Variants in NRXN3 observed in about 807,000 individuals in gnomAD.
The protein encoded by NRXN3 is neurexin III.
A neutral mutation model predicts 137.6 loss-of-function variants in NRXN3; 32 were observed. The ratio of observed to expected loss-of-function variants is 0.23; its 90% CI spans 0.18 to 0.31. The LOEUF is 0.31. Ranked by LOEUF, NRXN3 falls within the 10% of genes least tolerant of loss-of-function variation. NRXN3 has a pLI of 1.00. For missense variants in NRXN3, 1,574 were observed against 2,062.5 expected, an observed-to-expected ratio of 0.76 and a Z score of 4.59; for synonymous variants, 798 against 784.5, an observed-to-expected ratio of 1.02 and a Z score of -0.29.
intron 4 of NRXN3, among the ~76,000 whole-genome samples, chr14:78,368,432 C>T (rs375782988): frequency 6.6e-5 from 10 of 152,234 alleles, no homozygotes; most frequent in Admixed American, 3.3e-4. Context: ...TGGAGATGGC[C>T]GGGCACAGCG....
chr14:78,546,958 ACTCTTATTATAGTTC>A (rs1461474873), intron 4 of NRXN3, among the ~76,000 whole-genome samples: 2 of 151,924 alleles, frequency 1.3e-5, no homozygotes, highest in African/African-American at 4.8e-5. Flanking sequence ...ACTGAAATCC[ACTCTTATTATAGTTC>A]CTCTTATTTG....
rs17108186 is a variant in NRXN3, at chr14:78,742,803, A to G, written c.2044+27664A>G. On this transcript the variant is annotated intron_variant, in intron 8 of 20. Coordinates refer to ENST00000335750, the MANE Select transcript of NRXN3 (RefSeq NM_001330195.2). ...TTTAAGCTTCTCTTTATAATAATTT[A>G]TCACAGGAACTGCCTGCAAATAGAT... 1.2e-3 allele frequency among the ~76,000 whole-genome samples: 182 copies of G among 152,346 alleles called. 4 individuals carry two copies. In the East Asian group the frequency reaches 0.032, roughly 27 times the overall value.
chr14:78,815,867 G>T (rs2098931374), intron 10 of NRXN3, among the ~76,000 whole-genome samples: 1 of 152,082 alleles, frequency 6.6e-6, no homozygotes, highest in South Asian at 2.1e-4. Flanking sequence ...CATTTTAAAA[G>T]TCAAGTAATC....
intron 20 of NRXN3, among the ~76,000 whole-genome samples, chr14:79,858,779 CT>C (rs2099408141): frequency 6.6e-6 from 1 of 152,082 alleles, no homozygotes; most frequent in Non-Finnish European, 1.5e-5. Context: ...ACCTTGCCCT[CT>C]TTCATATATC....
At chr14:78,905,376 C>G in intron 10 of NRXN3, among the ~76,000 whole-genome samples, 1 of 152,106 alleles carries the variant, frequency 6.6e-6, no homozygotes, top group East Asian at 1.9e-4. Flanking sequence ...TAGGAACATA[C>G]TTTGTCATCC....
At chr14:78,997,112 G>A (rs570294568) in intron 15 of NRXN3, among the ~76,000 whole-genome samples, 1 of 152,142 alleles carries the variant, frequency 6.6e-6, no homozygotes, top group Non-Finnish European at 1.5e-5. Flanking sequence ...AGGACTGCGT[G>A]CAGCTTTGTT....
chr14:78,968,017 A>G lies in NRXN3; in HGVS notation c.2969-156A>G, dbSNP rs557303220. On this transcript the variant is annotated intron_variant, in intron 13 of 20. Coordinates refer to ENST00000335750, the MANE Select transcript of NRXN3 (RefSeq NM_001330195.2). ...TATTGGTTTCCTTTTTTTGCAGGGT[A>G]GAAACTCAGGTGCTTATCTCATTTA... 3.1e-5 allele frequency among the ~76,000 whole-genome samples: 4 copies of G among 127,116 alleles called. No individual in the cohort carries two copies. The South Asian group carries it at 1.1e-3, about 36-fold the overall frequency. The allele number at this position is 127,116 out of a possible 152,430, so 83.4% of individuals were successfully genotyped here.
intron 16 of NRXN3, among the ~76,000 whole-genome samples, chr14:79,495,755 T>C (rs2096760000): frequency 6.6e-6 from 1 of 152,060 alleles, no homozygotes; most frequent in Non-Finnish European, 1.5e-5. Context: ...TCCAAAATCT[T>C]TTTTATTTAG....
At chr14:79,617,624 G>T (rs1468000357) in intron 16 of NRXN3, among the ~76,000 whole-genome samples, 1 of 152,050 alleles carries the variant, frequency 6.6e-6, no homozygotes, top group Non-Finnish European at 1.5e-5. Flanking sequence ...TTCTACTTTG[G>T]TTAAAGGCAA....
At chr14:78,371,098 C>A (rs1339563322) in intron 4 of NRXN3, among the ~76,000 whole-genome samples, 1 of 152,154 alleles carries the variant, frequency 6.6e-6, no homozygotes, top group East Asian at 1.9e-4. Context: ...GCCCCACTCT[C>A]AAACCTGGAA....
chr14:78,428,192 T>C (rs1184927978), intron 4 of NRXN3, among the ~76,000 whole-genome samples: 1 of 152,230 alleles, frequency 6.6e-6, no homozygotes, highest in East Asian at 1.9e-4. Flanking sequence ...CTGTTATTGT[T>C]ATGCAAATAA....
intron 15 of NRXN3, among the ~76,000 whole-genome samples, chr14:79,096,164 G>T (rs2050295700): frequency 6.6e-6 from 1 of 150,886 alleles, no homozygotes; most frequent in African/African-American, 2.4e-5. Context: ...CTGGAGTGCA[G>T]TGGCACCATC....
chr14:78,456,958 G>A (rs1002325204), intron 4 of NRXN3, among the ~76,000 whole-genome samples: 10 of 124,340 alleles, frequency 8.0e-5, no homozygotes, highest in African/African-American at 3.2e-4. Flanking sequence ...TCCCTTCCTT[G>A]CTTCCTTCCT....
chr14:79,477,638 G>C (rs2096571643), intron 16 of NRXN3, among the ~76,000 whole-genome samples: 1 of 152,060 alleles, frequency 6.6e-6, no homozygotes, highest in Non-Finnish European at 1.5e-5. Context: ...TTTTTTAGAA[G>C]AAGATGAAAT....
At chr14:78,668,191 G>A (rs2097904078) in intron 6 of NRXN3, among the ~76,000 whole-genome samples, 1 of 152,164 alleles carries the variant, frequency 6.6e-6, no homozygotes. Context: ...GTAAAATTGG[G>A]TATTGCTTGA....
chr14:78,531,001 T>C lies in NRXN3; in HGVS notation c.758-114119T>C, dbSNP rs566057702. Among the ~76,000 whole-genome samples, 4 of 152,364 alleles carry C rather than the reference T, an allele frequency of 2.6e-5. No homozygotes were observed. The South Asian group carries it at 6.2e-4, about 24-fold the overall frequency. On this transcript the variant is annotated intron_variant, in intron 4 of 20. Transcript: ENST00000335750. ...TCTCTCACTTTGTCTTCTCCTGGAC[T>C]CTGTAAGTAGCCCTACTTTCATTTA...
intron 16 of NRXN3, among the ~76,000 whole-genome samples, chr14:79,646,444 C>T (rs1024927458): frequency 7.4e-6 from 1 of 135,876 alleles, no homozygotes; most frequent in African/African-American, 2.5e-5. Context: ...TTTTTTCTCA[C>T]ATGCCAATGT....
At chr14:78,626,839 G>A (rs980709293) in intron 4 of NRXN3, among the ~76,000 whole-genome samples, 10 of 152,208 alleles carry the variant, frequency 6.6e-5, no homozygotes, top group Admixed American at 5.2e-4. Context: ...TGGAATGCCC[G>A]TCAGGGCTCA....
At position 78,182,317 on chromosome 14, in the gene NRXN3, G is replaced by A. The variant is rs186835205; in HGVS notation, c.-704+11643G>A. Among the ~76,000 whole-genome samples the A allele has an allele frequency of 8.5e-5, 13 of 152,094 alleles. No homozygotes were observed. The East Asian group carries it at 2.5e-3, about 29-fold the overall frequency. ...CTGGAACTAAAACCAAAGCTTGTAA[G>A]GCTCTCCTACACTTAACATCCCACC... On this transcript the variant is annotated intron_variant, in intron 1 of 20. Coordinates refer to ENST00000335750, the MANE Select transcript of NRXN3 (RefSeq NM_001330195.2).
Sources: allele counts gnomAD v4.1 joint callset (sites outside exome capture counted in the v4.1 genomes callset), GRCh38; gene constraint gnomAD v4.1.1; transcripts MANE v1.5; gene names NCBI Gene and HGNC (gene_info 2026-07-23, HGNC 2026-07-21).